TNRC18: variants seen among roughly 807,000 people sequenced by gnomAD.
TNRC18 encodes the protein trinucleotide repeat-containing gene 18 protein.
Under a neutral mutation model 226.7 loss-of-function variants are expected in TNRC18, and 69 were observed. That is an observed-to-expected ratio of 0.30 (90% CI 0.25 to 0.37). TNRC18 has a LOEUF of 0.37. Ranked by LOEUF, TNRC18 falls within the 10% of genes least tolerant of loss-of-function variation. The pLI, the probability that TNRC18 is intolerant of heterozygous loss-of-function variation, is 1.00. For synonymous variants in TNRC18, 2,449 were observed against 1,927.6 expected, an observed-to-expected ratio of 1.27 and a Z score of -7.09; for missense variants, 4,754 against 4,256.6, an observed-to-expected ratio of 1.12 and a Z score of -3.25.
chr7:5,345,541 A>T, intron 18 of TNRC18, 21 bp downstream of exon 18: 1 of 77,340 alleles, frequency 1.3e-5, no homozygotes, highest in Non-Finnish European at 2.5e-5. Context: ...CCCCCACCGC[A>T]GCCCACCTGC....
chr7:5,421,336 A>G lies in TNRC18; in HGVS notation c.-90T>C. On this transcript the variant is annotated 5_prime_UTR_variant, in exon 2 of 30. Transcript: ENST00000430969. ...AAGTTCGGCCTCGGCGTAGTCCCAGAGTCCTCGGGCGGCGGGGGCTCCGCG... is the reference window on the plus strand; with the variant it reads ...AAGTTCGGCCTCGGCGTAGTCCCAGGGTCCTCGGGCGGCGGGGGCTCCGCG... 2.6e-6 allele frequency: 3 copies of G among 1,166,468 alleles called. No individual in the cohort carries two copies. Among genetic ancestry groups the G allele is most frequent in the Non-Finnish European group, 3.2e-6 (3 of 930,986 alleles). The allele number at this position is 1,166,468 out of a possible 1,614,324, so 72.3% of individuals were successfully genotyped here. A position where few individuals can be genotyped will look rare whatever the true frequency, so the allele number is the denominator to read the frequency against.
At chr7:5,351,689 C>T in intron 17 of TNRC18, 130 bp downstream of exon 17, 1 of 1,031,370 alleles carries the variant, frequency 9.7e-7, no homozygotes, top group Non-Finnish European at 1.4e-6. Context: ...TGGCAGCCTT[C>T]TTGCGGCCAT....
intron 14 of TNRC18, among the ~76,000 whole-genome samples, chr7:5,360,215 ATTT>A (rs1338769097): frequency 7.3e-6 from 1 of 137,560 alleles, no homozygotes; most frequent in Non-Finnish European, 1.7e-5. Flanking sequence ...TTATTTATTT[ATTT>A]ATTTATTTAT....
At chr7:5,413,763 C>A (rs1781986979) in intron 2 of TNRC18, among the ~76,000 whole-genome samples, 1 of 152,222 alleles carries the variant, frequency 6.6e-6, no homozygotes, top group Non-Finnish European at 1.5e-5. Context: ...TAACTCCTGG[C>A]CTCAAGCGAT....
rs114109977 is a variant in TNRC18 at position 5,354,435 on chromosome 7, A to T, written c.5195-2341T>A. 3.4e-3 allele frequency among the ~76,000 whole-genome samples: 510 copies of T among 152,012 alleles called. 6 individuals are homozygous for T. Among genetic ancestry groups the T allele is most frequent in the African/African-American group, 0.011 (473 of 41,444 alleles). On this transcript the variant is annotated intron_variant, in intron 16 of 29. Coordinates refer to ENST00000430969, the MANE Select transcript of TNRC18 (RefSeq NM_001080495.3). ...TCCCTCAGAAGATCAAAAGAACAGC[A>T]ATCTCCCCCGACTTCCCTGAACCCC... is the stretch of plus-strand genomic sequence containing the variant.
Position 5,332,650 on chromosome 7 carries a change from C to G in TNRC18, c.6119G>C (p.Arg2040Pro), listed in dbSNP as rs1480677882. The G allele has an allele frequency of 1.3e-6, 2 of 1,530,690 alleles. No homozygotes were observed. The highest frequency in any genetic ancestry group is 1.8e-6 in the Non-Finnish European group (2 of 1,141,126). The allele number at this position is 1,530,690 out of a possible 1,614,324, so 94.8% of individuals were successfully genotyped here. ...GPLSPRKDAG[R>P]AKDRKDPRKK... ...CCTGGGGTCCTTCCTGTCCTTTGCA[C>G]GCCCGGCGTCCTTGCGCGGGCTCAG... is the stretch of plus-strand genomic sequence containing the variant. Residue 2040 changes from arginine (R) to proline (P), a missense_variant, in exon 19 of 30, where the codon CGT becomes CCT. Arg to Pro is a moderately radical substitution (Grantham distance 103). Transcript: ENST00000430969.
chr7:5,360,293 G>A (rs953501852), intron 14 of TNRC18, among the ~76,000 whole-genome samples: 3 of 151,820 alleles, frequency 2.0e-5, no homozygotes, highest in South Asian at 2.1e-4. Flanking sequence ...GCAATGGCTC[G>A]ATTTCAGCTC....
At chr7:5,383,105 T>C (rs949289526) in intron 5 of TNRC18, among the ~76,000 whole-genome samples, 1 of 152,200 alleles carries the variant, frequency 6.6e-6, no homozygotes, top group Non-Finnish European at 1.5e-5. Context: ...TTTCACTATG[T>C]TGCCTAGGCT....
chr7:5,307,641 T>C lies in TNRC18; in HGVS notation c.*465A>G. The C allele has an allele frequency of 2.5e-6, 1 of 397,700 alleles. No homozygotes were observed. Among genetic ancestry groups the C allele is most frequent in the South Asian group, 1.7e-5 (1 of 57,204 alleles). The allele number at this position is 397,700 out of a possible 1,614,324, so 24.6% of individuals were successfully genotyped here. A position where few individuals can be genotyped will look rare whatever the true frequency, so the allele number is the denominator to read the frequency against. ...TCGGGCTGCCCTGTCCCATGCACGG[T>C]GGGAGGCCTTGGGGTGGGCTCCATG... is the stretch of plus-strand genomic sequence containing the variant. On this transcript the variant is annotated 3_prime_UTR_variant, in exon 30 of 30. Transcript: ENST00000430969.
intron 5 of TNRC18, among the ~76,000 whole-genome samples, chr7:5,385,591 G>A (rs551504581): frequency 1.1e-4 from 16 of 151,796 alleles, no homozygotes; most frequent in Admixed American, 6.6e-4. Flanking sequence ...GGCTGAGGCC[G>A]GAGAATCACT....
intron 19 of TNRC18, among the ~76,000 whole-genome samples, chr7:5,328,850 T>A (rs1309472410): frequency 6.6e-6 from 1 of 152,048 alleles, no homozygotes; most frequent in East Asian, 1.9e-4. Flanking sequence ...TAGCAAGGTG[T>A]GTTGGTGTGC....
In TNRC18 at chr7:5,387,665, G is replaced by T; in HGVS notation, c.2152+7C>A. 6.2e-7 allele frequency: 1 copy of T among 1,602,800 alleles called. No homozygotes were observed. ...CTACCCGCACCTGGGCTCTGCCCAGGACCTACCTTTGACGTTACTCAGCGA... is the reference window on the plus strand; with the variant it reads ...CTACCCGCACCTGGGCTCTGCCCAGTACCTACCTTTGACGTTACTCAGCGA... On this transcript the variant is annotated splice_region_variant and intron_variant, in intron 5 of 29. Transcript: ENST00000430969.
Position 5,307,913 on chromosome 7 carries a change from C to CA in TNRC18, c.*192dup, listed in dbSNP as rs1410918334. ...AGGGGTTGGAAGGTGGGGCTGGAGG[C>CA]ATGTGCACATGCGTGCACACACGTG... On this transcript the variant is annotated 3_prime_UTR_variant, in exon 30 of 30. Coordinates refer to ENST00000430969, the MANE Select transcript of TNRC18 (RefSeq NM_001080495.3). The CA allele has an allele frequency of 3.0e-5, 18 of 601,946 alleles. No homozygotes were observed. The highest frequency in any genetic ancestry group is 6.0e-5 in the Admixed American group (2 of 33,578). The allele number at this position is 601,946 out of a possible 1,614,324, so 37.3% of individuals were successfully genotyped here. A position where few individuals can be genotyped will look rare whatever the true frequency, so the allele number is the denominator to read the frequency against.
At chr7:5,375,983 T>C (rs1794631407) in intron 9 of TNRC18, 51 bp downstream of exon 9, 2 of 1,521,640 alleles carry the variant, frequency 1.3e-6, no homozygotes, top group Non-Finnish European at 8.8e-7. Flanking sequence ...GTCTGCCTCG[T>C]CACCCATGGG....
In TNRC18 at chr7:5,377,627, G is replaced by A. The variant is rs1447852974; in HGVS notation, c.2256-51C>T. On this transcript the variant is annotated intron_variant, in intron 6 of 29. Coordinates refer to ENST00000430969, the MANE Select transcript of TNRC18 (RefSeq NM_001080495.3). The surrounding 1 kb of genome is among the most constrained non-coding windows in gnomAD (Gnocchi z 5.8). Reference sequence around the variant, plus strand: ...CGACAGCTCGGACAGCCCAGGGGACGAGAGGGAGAAGCGGGGTTGCCCCAA... The same window carrying A: ...CGACAGCTCGGACAGCCCAGGGGACAAGAGGGAGAAGCGGGGTTGCCCCAA... 15 of 1,518,830 alleles carry A rather than the reference G, an allele frequency of 9.9e-6. No individual in the cohort carries two copies. The highest frequency in any genetic ancestry group is 4.9e-5 in the East Asian group (2 of 40,532). The allele number at this position is 1,518,830 out of a possible 1,614,324, so 94.1% of individuals were successfully genotyped here.
At chr7:5,346,149 G>A (rs577222791) in intron 17 of TNRC18, among the ~76,000 whole-genome samples, 3 of 152,396 alleles carry the variant, frequency 2.0e-5, no homozygotes, top group African/African-American at 4.8e-5. Flanking sequence ...GTTCTCCACA[G>A]TCACACGCGC....
At position 5,388,970 on chromosome 7, in the gene TNRC18, T is replaced by C. The variant is rs1453220931; in HGVS notation, c.854A>G (p.Asn285Ser). Reference protein sequence around the residue: ...ALQPSVLTMCNGGAGDVGLPA... With the variant: ...ALQPSVLTMCSGGAGDVGLPA... ...CAGCCCCACGTCCCCGGCGCCGCCG[T>C]TGCACATGGTCAGTACCGACGGCTG... Residue 285 changes from asparagine (N) to serine (S), a missense_variant, in exon 5 of 30, where the codon AAC becomes AGC. By Grantham distance (46) the Asn-to-Ser change is conservative. Transcript: ENST00000430969. The C allele has an allele frequency of 2.9e-6, 4 of 1,390,678 alleles. No individual in the cohort carries two copies. The highest frequency in any genetic ancestry group is 7.3e-5 in the East Asian group (2 of 27,564). 86.1% of individuals were successfully genotyped at this position (1,390,678 alleles called of 1,614,324 possible). A position where few individuals can be genotyped will look rare whatever the true frequency, so the allele number is the denominator to read the frequency against.
rs1780097200 is a variant in TNRC18, at chr7:5,389,320, G to A, written c.504C>T (p.Pro168=). The change falls in exon 5 of 30, where the codon CCC becomes CCT. Residue 168 remains proline, a synonymous_variant. Transcript: ENST00000430969. ...QGPGGDGFYL[P]TAGAPGSLHS... The stretch of plus-strand genomic sequence containing the variant: ...GCAGGGAGCCCGGAGCCCCCGCGGT[G>A]GGCAGGTAGAAACCGTCTGCGGAGA... The A allele has an allele frequency of 7.8e-7, 1 of 1,281,136 alleles. No homozygotes were observed. Among genetic ancestry groups the A allele is most frequent in the Non-Finnish European group, 9.9e-7 (1 of 1,014,268 alleles). 79.4% of individuals were successfully genotyped at this position (1,281,136 alleles called of 1,614,324 possible). A position where few individuals can be genotyped will look rare whatever the true frequency, so the allele number is the denominator to read the frequency against.
At position 5,365,674 on chromosome 7, in the gene TNRC18, A is replaced by G. The variant is rs1001184578; in HGVS notation, c.4220-2849T>C. ...TCGCCATGTTGCCCGGGCGGGTCTT[A>G]AACTCCTGGGCACAAGCAGTCCTTC... On this transcript the variant is annotated intron_variant, in intron 11 of 29. Transcript: ENST00000430969. Among the ~76,000 whole-genome samples, 9 of 151,104 alleles carry G rather than the reference A, an allele frequency of 6.0e-5. 1 individual carries two copies. The highest frequency in any genetic ancestry group is 1.9e-4 in the African/African-American group (8 of 41,092).
Sources: allele counts gnomAD v4.1 joint callset (sites outside exome capture counted in the v4.1 genomes callset), GRCh38; gene constraint gnomAD v4.1.1; non-coding constraint Gnocchi (gnomAD v3.1); transcripts MANE v1.5; gene names NCBI Gene and HGNC (gene_info 2026-07-23, HGNC 2026-07-21).